Variants in MAN2A1 observed in about 807,000 individuals in gnomAD.
The protein encoded by MAN2A1 is mannosidase alpha class 2A member 1, also known as alpha-mannosidase 2.
A neutral mutation model predicts 142.6 loss-of-function variants in MAN2A1; 76 were observed. The observed-to-expected ratio is 0.53, with a 90% CI of 0.44 to 0.65. The LOEUF (loss-of-function observed/expected upper bound fraction) is 0.65. Ranked by LOEUF, MAN2A1 falls within the 30% of genes least tolerant of loss-of-function variation. MAN2A1 has a pLI of 0.00. For missense variants in MAN2A1, 1,311 were observed against 1,365.1 expected (o/e 0.96, Z 0.62); for synonymous variants, 559 against 473.2 (o/e 1.18, Z -2.35).
chr5:109,699,203 C>T (rs1290423700), intron 1 of MAN2A1, among the ~76,000 whole-genome samples: 1 of 152,190 alleles, frequency 6.6e-6, no homozygotes, highest in East Asian at 1.9e-4. Context: ...CCTTCTCCCA[C>T]TCAATTTCTC....
chr5:109,729,596 A>G, intron 4 of MAN2A1, 83 bp downstream of exon 4: 1 of 707,490 alleles, frequency 1.4e-6, no homozygotes, highest in East Asian at 3.0e-5. Flanking sequence ...TTAGATGGTG[A>G]AAATTCTTAG....
rs180876285 is a variant in MAN2A1 at position 109,786,521 on chromosome 5, T to C, written c.1760+1595T>C. Among the ~76,000 whole-genome samples, 229 of 152,184 alleles carry C rather than the reference T, an allele frequency of 1.5e-3. 1 individual carries two copies. Among genetic ancestry groups the C allele is most frequent in the African/African-American group, 5.2e-3 (216 of 41,546 alleles). On this transcript the variant is annotated intron_variant, in intron 10 of 21. Transcript: ENST00000261483. The stretch of plus-strand genomic sequence containing the variant: ...TGTGTTGCTTTTAGCTTATAAAAAC[T>C]TCCCCGTGTAGAATTGCGTGTTAGA...
intron 4 of MAN2A1, among the ~76,000 whole-genome samples, chr5:109,740,163 A>G (rs1455907793): frequency 1.3e-5 from 2 of 152,224 alleles, no homozygotes; most frequent in African/African-American, 4.8e-5. Flanking sequence ...GCTAGCTGAT[A>G]GGAACTTACA....
At position 109,851,425 on chromosome 5, in the gene MAN2A1, G is replaced by A. The variant is rs1031995392; in HGVS notation, c.2976+3635G>A. Among the ~76,000 whole-genome samples the A allele has an allele frequency of 7.9e-5, 12 of 152,228 alleles. No homozygotes were observed. In the East Asian group the frequency reaches 2.1e-3, roughly 27 times the overall value. On this transcript the variant is annotated intron_variant, in intron 19 of 21. Transcript: ENST00000261483. The stretch of plus-strand genomic sequence containing the variant: ...CCTTTGGGAGGCTTTTGGGTCATGG[G>A]GGATCTGCCTCATGAATGAATTAAT...
chr5:109,757,524 A>G (rs1752720011), intron 5 of MAN2A1, among the ~76,000 whole-genome samples: 1 of 152,280 alleles, frequency 6.6e-6, no homozygotes, highest in South Asian at 2.1e-4. Context: ...GAACTCACAT[A>G]ATATTATTTT....
intron 16 of MAN2A1, among the ~76,000 whole-genome samples, chr5:109,829,920 G>A (rs1164553179): frequency 6.6e-6 from 1 of 152,104 alleles, no homozygotes; most frequent in Non-Finnish European, 1.5e-5. Context: ...TATCTGTTTT[G>A]TAAAGTGCTG....
intron 10 of MAN2A1, among the ~76,000 whole-genome samples, chr5:109,788,125 C>T (rs768338964): frequency 1.2e-4 from 18 of 150,922 alleles, no homozygotes; most frequent in South Asian, 2.1e-4. Flanking sequence ...TAATTGAAAA[C>T]GTGATTAGCG....
chr5:109,718,301 G>C (rs770115844), intron 3 of MAN2A1, among the ~76,000 whole-genome samples: 1 of 151,884 alleles, frequency 6.6e-6, no homozygotes. Context: ...TCCTTTTTCT[G>C]CAACTTTTAA....
intron 4 of MAN2A1, among the ~76,000 whole-genome samples, chr5:109,739,231 C>T (rs1292686448): frequency 6.6e-6 from 1 of 151,956 alleles, no homozygotes; most frequent in Non-Finnish European, 1.5e-5. Flanking sequence ...TAACTTTTTC[C>T]CCATGCTCAC....
intron 1 of MAN2A1, among the ~76,000 whole-genome samples, chr5:109,691,693 G>A (rs975370373): frequency 1.2e-4 from 19 of 152,174 alleles, no homozygotes; most frequent in Non-Finnish European, 2.4e-4. Context: ...TATGGATGCT[G>A]TCATCAATAC....
chr5:109,806,858 C>A (rs1754179286), intron 12 of MAN2A1, among the ~76,000 whole-genome samples: 1 of 152,076 alleles, frequency 6.6e-6, no homozygotes, highest in Admixed American at 6.5e-5. Context: ...AAATGGCTCT[C>A]CATGGGATGA....
intron 4 of MAN2A1, among the ~76,000 whole-genome samples, chr5:109,747,258 A>C (rs532638070): frequency 6.6e-6 from 1 of 152,294 alleles, no homozygotes; most frequent in African/African-American, 2.4e-5. Flanking sequence ...TAAAACATTT[A>C]AATATTTTAC....
intron 20 of MAN2A1, among the ~76,000 whole-genome samples, chr5:109,859,653 C>T (rs1312141217): frequency 6.6e-6 from 1 of 152,162 alleles, no homozygotes; most frequent in African/African-American, 2.4e-5. Context: ...ACACTACATG[C>T]AAAAGCCTTG....
At chr5:109,722,371 C>T (rs145245131) in intron 3 of MAN2A1, among the ~76,000 whole-genome samples, 3 of 152,180 alleles carry the variant, frequency 2.0e-5, no homozygotes, top group African/African-American at 7.2e-5. Flanking sequence ...ACATTTTCTA[C>T]AATTAGAAAG....
At chr5:109,739,085 A>C (rs1049301966) in intron 4 of MAN2A1, among the ~76,000 whole-genome samples, 1 of 151,892 alleles carries the variant, frequency 6.6e-6, no homozygotes, top group South Asian at 2.1e-4. Context: ...CAAGTGATCC[A>C]CCTGCCTCAG....
intron 18 of MAN2A1, 70 bp from the exon 19 acceptor site, chr5:109,847,583 TTAAG>T: frequency 7.6e-7 from 1 of 1,315,042 alleles, no homozygotes; most frequent in East Asian, 2.9e-5. Context: ...TGACTGCTAC[TTAAG>T]TGATGCTCAA....
At chr5:109,834,634 A>G (rs1755013966) in intron 16 of MAN2A1, among the ~76,000 whole-genome samples, 1 of 152,184 alleles carries the variant, frequency 6.6e-6, no homozygotes, top group South Asian at 2.1e-4. Flanking sequence ...TAAAGTAGGT[A>G]CACTAGTGCC....
At chr5:109,864,262 A>G (rs563207297) in intron 20 of MAN2A1, 7 of 152,356 alleles carry the variant, frequency 4.6e-5, no homozygotes, top group African/African-American at 1.4e-4. Context: ...AACTTTAGGA[A>G]ACAAAATTTA....
At chr5:109,784,210 A>C (rs74452879) in intron 9 of MAN2A1, among the ~76,000 whole-genome samples, 2 of 152,116 alleles carry the variant, frequency 1.3e-5, no homozygotes, top group African/African-American at 4.8e-5. Flanking sequence ...ATATGTTATC[A>C]TTCAAAACTG....
Sources: allele counts gnomAD v4.1 joint callset (sites outside exome capture counted in the v4.1 genomes callset), GRCh38; gene constraint gnomAD v4.1.1; transcripts MANE v1.5; gene names NCBI Gene and HGNC (gene_info 2026-07-23, HGNC 2026-07-21).